The following GMPS variants were observed in gnomAD, a reference collection of about 807,000 sequenced individuals.
GMPS encodes GMP synthase [glutamine-hydrolyzing].
In GMPS, 15 loss-of-function variants were observed where a neutral mutation model predicts 77.9. That is an observed-to-expected ratio of 0.19 (90% CI 0.13 to 0.30). The LOEUF is 0.30. GMPS is among the 10% of genes least tolerant of loss of function. The pLI, the probability that GMPS is intolerant of heterozygous loss-of-function variation, is 1.00. For synonymous variants in GMPS, 224 were observed against 275.9 expected (o/e 0.81, Z 1.86); for missense variants, 590 against 838.8 (o/e 0.70, Z 3.66).
At chr3:155,927,309 G>T (rs954589552) in intron 12 of GMPS, among the ~76,000 whole-genome samples, 3 of 152,130 alleles carry the variant, frequency 2.0e-5, no homozygotes, top group African/African-American at 4.8e-5. Context: ...TTGTGGACAG[G>T]TTATTTAATT....
chr3:155,880,365 C>T (rs1205029890), intron 1 of GMPS, among the ~76,000 whole-genome samples: 1 of 152,074 alleles, frequency 6.6e-6, no homozygotes, highest in Non-Finnish European at 1.5e-5. Flanking sequence ...CCATGAGTGC[C>T]CCTGAAGGCT....
At chr3:155,935,854 G>GCTA (rs1755753256) in intron 14 of GMPS, among the ~76,000 whole-genome samples, 1 of 152,146 alleles carries the variant, frequency 6.6e-6, no homozygotes, top group Admixed American at 6.5e-5. Flanking sequence ...GAGTTAAAGA[G>GCTA]CTACTGATTG....
chr3:155,891,742 G>A (rs1199107164), intron 1 of GMPS, among the ~76,000 whole-genome samples: 1 of 151,928 alleles, frequency 6.6e-6, no homozygotes, highest in Non-Finnish European at 1.5e-5. Context: ...GAGTAGCTGG[G>A]ATTATAGGTG....
Position 155,931,831 on chromosome 3 carries a change from C to G in GMPS, c.1627C>G (p.Leu543Val), listed in dbSNP as rs1185733260. Residue 543 changes from leucine (L) to valine (V), a missense_variant, in exon 13 of 16, where the codon CTT becomes GTT. By Grantham distance (32) the Leu-to-Val change is conservative. Transcript: ENST00000496455. The stretch of plus-strand genomic sequence containing the variant: ...TAAAGATGAACCTGACTGGGAATCA[C>G]TTATTTTTCTGGCTAGGCTTATACC... The part of the protein sequence containing the change: ...SSKDEPDWES[L>V]IFLARLIPRM... 2 of 1,600,280 alleles carry G rather than the reference C, an allele frequency of 1.2e-6. No individual in the cohort carries two copies. The highest frequency in any genetic ancestry group is 1.7e-6 in the Non-Finnish European group (2 of 1,167,738).
At position 155,937,766 on chromosome 3, in the gene GMPS, G is replaced by A. The variant is rs1268614975; in HGVS notation, c.*74G>A. 1.3e-6 allele frequency: 1 copy of A among 747,148 alleles called. No individual in the cohort carries two copies. Among genetic ancestry groups the A allele is most frequent in the Middle Eastern group, 2.3e-4 (1 of 4,262 alleles). The allele number at this position is 747,148 out of a possible 1,614,324, so 46.3% of individuals were successfully genotyped here. A position where few individuals can be genotyped will look rare whatever the true frequency, so the allele number is the denominator to read the frequency against. ...AAATCATTCCCATTATTGACATGCA[G>A]TACTGTGAAAAGAGTTACTGGAGCA... is the stretch of plus-strand genomic sequence containing the variant. On this transcript the variant is annotated 3_prime_UTR_variant, in exon 16 of 16. Transcript: ENST00000496455.
chr3:155,942,274 G>A lies in GMPS; in HGVS notation c.*4582G>A, dbSNP rs1755911016. 1 of 183,800 alleles carries A rather than the reference G, an allele frequency of 5.4e-6. No homozygotes were observed. Among genetic ancestry groups the A allele is most frequent in the Non-Finnish European group, 1.2e-5 (1 of 86,720 alleles). The allele number at this position is 183,800 out of a possible 1,614,324, so 11.4% of individuals were successfully genotyped here. On this transcript the variant is annotated 3_prime_UTR_variant, in exon 16 of 16. Transcript: ENST00000496455. ...GCTAATTTTTTTGTACTTTTTAGTA[G>A]AGACAGGGTTTCACTGTGTTATACA...
chr3:155,919,689 C>T (rs972306823), intron 10 of GMPS, among the ~76,000 whole-genome samples: 12 of 152,060 alleles, frequency 7.9e-5, no homozygotes, highest in Non-Finnish European at 7.4e-5. Context: ...TGTACCATAC[C>T]GCAGTGCGTT....
At chr3:155,907,366 T>C (rs1415130566) in intron 5 of GMPS, among the ~76,000 whole-genome samples, 1 of 152,122 alleles carries the variant, frequency 6.6e-6, no homozygotes, top group African/African-American at 2.4e-5. Context: ...GTGGATAGCT[T>C]GAGGCCAGGA....
At position 155,940,781 on chromosome 3, in the gene GMPS, T is replaced by C. The variant is rs1331338609; in HGVS notation, c.*3089T>C. On this transcript the variant is annotated 3_prime_UTR_variant, in exon 16 of 16. Coordinates refer to ENST00000496455, the MANE Select transcript of GMPS (RefSeq NM_003875.3). The stretch of plus-strand genomic sequence containing the variant: ...TTTAAGGTTCTTTTATCATCAGATA[T>C]GACACAAAGGGAAACATCAAAATGC... 2 of 218,248 alleles carry C rather than the reference T, an allele frequency of 9.2e-6. No individual in the cohort carries two copies. The highest frequency in any genetic ancestry group is 1.8e-5 in the Non-Finnish European group (2 of 109,774). 13.5% of individuals were successfully genotyped at this position (218,248 alleles called of 1,614,324 possible).
intron 1 of GMPS, among the ~76,000 whole-genome samples, chr3:155,882,101 A>G (rs1435129783): frequency 6.6e-6 from 1 of 152,064 alleles, no homozygotes; most frequent in African/African-American, 2.4e-5. Context: ...ACTGATTAAG[A>G]CTTGGTGTAC....
intron 7 of GMPS, among the ~76,000 whole-genome samples, chr3:155,912,256 A>G (rs1327536256): frequency 2.6e-5 from 4 of 152,224 alleles, no homozygotes; most frequent in African/African-American, 9.6e-5. Flanking sequence ...AGCATAAAAC[A>G]GTGTAATACC....
Position 155,939,516 on chromosome 3 carries a change from G to T in GMPS, c.*1824G>T. 1 of 205,450 alleles carries T rather than the reference G, an allele frequency of 4.9e-6. No homozygotes were observed. Among genetic ancestry groups the T allele is most frequent in the Non-Finnish European group, 1.0e-5 (1 of 100,378 alleles). The allele number at this position is 205,450 out of a possible 1,614,324, so 12.7% of individuals were successfully genotyped here. ...GGTCATATAAGTTTGGGGAACATAA[G>T]CTCACTTGTCCTTTCCTGGAGATTC... On this transcript the variant is annotated 3_prime_UTR_variant, in exon 16 of 16. Coordinates refer to ENST00000496455, the MANE Select transcript of GMPS (RefSeq NM_003875.3).
chr3:155,928,320 G>A (rs1577533668), intron 12 of GMPS, among the ~76,000 whole-genome samples: 1 of 152,004 alleles, frequency 6.6e-6, no homozygotes, highest in East Asian at 1.9e-4. Context: ...GAGCTACCAC[G>A]CCCAGCCCAT....
At chr3:155,873,236 G>A (rs1753945106) in intron 1 of GMPS, among the ~76,000 whole-genome samples, 2 of 152,058 alleles carry the variant, frequency 1.3e-5, no homozygotes, top group Non-Finnish European at 2.9e-5. Context: ...AGCTATGAAA[G>A]CATTTGGGTT....
At position 155,943,324 on chromosome 3, in the gene GMPS, G is replaced by A. The variant is rs1755937437; in HGVS notation, c.*5632G>A. 1 of 181,186 alleles carries A rather than the reference G, an allele frequency of 5.5e-6. No homozygotes were observed. The highest frequency in any genetic ancestry group is 2.0e-4 in the South Asian group (1 of 5,062). The allele number at this position is 181,186 out of a possible 1,614,324, so 11.2% of individuals were successfully genotyped here. ...TGGTTAGCAAAATTATGAAAGTTTA[G>A]GAAATTTGGCTATTGAGTATATTAA... On this transcript the variant is annotated 3_prime_UTR_variant, in exon 16 of 16. Coordinates refer to ENST00000496455, the MANE Select transcript of GMPS (RefSeq NM_003875.3).
intron 8 of GMPS, 146 bp downstream of exon 8, chr3:155,914,716 A>G: frequency 2.0e-6 from 1 of 506,490 alleles, no homozygotes; most frequent in Non-Finnish European, 3.4e-6. Flanking sequence ...GTATATTGTC[A>G]TTATATTGAC....
At chr3:155,883,557 A>G (rs1754258949) in intron 1 of GMPS, among the ~76,000 whole-genome samples, 1 of 152,168 alleles carries the variant, frequency 6.6e-6, no homozygotes, top group Non-Finnish European at 1.5e-5. Context: ...TTATTAGTAC[A>G]TTGATAGTAT....
intron 1 of GMPS, among the ~76,000 whole-genome samples, chr3:155,883,210 T>C (rs1754251237): frequency 1.3e-5 from 2 of 152,104 alleles, no homozygotes; most frequent in South Asian, 2.1e-4. Context: ...TAACTAAAAC[T>C]GTAGGTGTGC....
chr3:155,931,959 C>T (rs1476678179), intron 13 of GMPS, 79 bp downstream of exon 13: 22 of 684,918 alleles, frequency 3.2e-5, no homozygotes, highest in Non-Finnish European at 4.8e-5. Flanking sequence ...TAATGGAAGA[C>T]CAAAAGGCTC....
Sources: gnomAD v4.1 joint callset for allele counts (sites outside exome capture counted in the v4.1 genomes callset) on GRCh38, gnomAD v4.1.1 for gene constraint, MANE v1.5 for transcripts, NCBI Gene and HGNC (gene_info 2026-07-23, HGNC 2026-07-21) for gene names.